The following UBQLN1 variants were observed in gnomAD, a reference collection of about 807,000 sequenced individuals.
UBQLN1 encodes ubiquilin 1.
Under a neutral mutation model 65.4 loss-of-function variants are expected in UBQLN1, and 13 were observed. That is an observed-to-expected ratio of 0.20 (90% CI 0.13 to 0.32). The LOEUF (loss-of-function observed/expected upper bound fraction) is 0.32, where lower values mean the gene tolerates loss of function less well. Ranked by LOEUF, UBQLN1 falls within the 10% of genes least tolerant of loss-of-function variation. The probability of loss-of-function intolerance (pLI) is 1.00; values close to 1 mark genes in which losing one functional copy is unlikely to be tolerated. For synonymous variants in UBQLN1, 267 were observed against 247.8 expected (o/e 1.08, Z -0.73); for missense variants, 561 against 724.0 (o/e 0.77, Z 2.58).
chr9:83,671,245 CA>C (rs1422617594), intron 6 of UBQLN1, among the ~76,000 whole-genome samples: 1 of 152,204 alleles, frequency 6.6e-6, no homozygotes, highest in Non-Finnish European at 1.5e-5. Flanking sequence ...AAACTTCTTC[CA>C]AACTCCTGTT....
intron 1 of UBQLN1, among the ~76,000 whole-genome samples, chr9:83,687,513 A>G (rs10868040): frequency 0.7 from 107,034 of 152,070 alleles, 38,538 homozygotes; most frequent in East Asian, 0.88. Context: ...CTCAACAGAT[A>G]AGGAAATTGC....
intron 6 of UBQLN1, 103 bp from the exon 7 acceptor site, chr9:83,669,430 AATG>A: frequency 1.8e-6 from 2 of 1,093,136 alleles, no homozygotes; most frequent in African/African-American, 3.2e-5. Context: ...ACCAAGTACA[AATG>A]ATTATACATA....
intron 2 of UBQLN1, among the ~76,000 whole-genome samples, chr9:83,684,066 T>A (rs921170222): frequency 7.6e-4 from 116 of 152,130 alleles, no homozygotes; most frequent in African/African-American, 2.7e-3. Context: ...TTTTTATCTA[T>A]CCCCTTCTAG....
intron 9 of UBQLN1, 75 bp downstream of exon 9, chr9:83,664,955 G>T (rs1171012615): frequency 1.3e-4 from 84 of 656,254 alleles, no homozygotes; most frequent in Non-Finnish European, 1.8e-4. Flanking sequence ...AAGGCAGGCA[G>T]AATAATACTA....
rs370560589 is a variant in UBQLN1 at position 83,704,299 on chromosome 9, T to C, written c.180+3201A>G. On this transcript the variant is annotated intron_variant, in intron 1 of 10. Coordinates refer to ENST00000376395, the MANE Select transcript of UBQLN1 (RefSeq NM_013438.5). ...AATGGCATATCTTTTGTGCTTCAAGTAGATTTTACAAATAGGTCATTTGAA... is the reference window on the plus strand; with the variant it reads ...AATGGCATATCTTTTGTGCTTCAAGCAGATTTTACAAATAGGTCATTTGAA... Among the ~76,000 whole-genome samples the C allele has an allele frequency of 9.2e-5, 14 of 152,354 alleles. No homozygotes were observed. The South Asian group carries it at 2.9e-3, about 32-fold the overall frequency.
At chr9:83,675,269 C>T (rs994257807) in intron 6 of UBQLN1, among the ~76,000 whole-genome samples, 1 of 152,154 alleles carries the variant, frequency 6.6e-6, no homozygotes, top group Non-Finnish European at 1.5e-5. Flanking sequence ...CACTACCCTG[C>T]CAACCCTCCA....
At chr9:83,691,144 T>TA (rs1306394393) in intron 1 of UBQLN1, among the ~76,000 whole-genome samples, 4 of 147,834 alleles carry the variant, frequency 2.7e-5, no homozygotes, top group African/African-American at 7.5e-5. Context: ...CTCAAAAAAA[T>TA]AAAAAAAATA....
intron 1 of UBQLN1, among the ~76,000 whole-genome samples, chr9:83,688,326 A>G (rs1244813722): frequency 6.6e-6 from 1 of 152,144 alleles, no homozygotes; most frequent in Non-Finnish European, 1.5e-5. Context: ...TACAGCTAAT[A>G]AACTGGTAGT....
intron 1 of UBQLN1, among the ~76,000 whole-genome samples, chr9:83,706,909 ATTAC>A (rs1832418332): frequency 1.3e-5 from 2 of 152,176 alleles, no homozygotes; most frequent in African/African-American, 4.8e-5. Flanking sequence ...TACTATCACT[ATTAC>A]TTAAGATGGA....
Position 83,669,332 on chromosome 9 carries a change from A to G in UBQLN1, c.1106-5T>C, listed in dbSNP as rs913491218. ...CTGGTGTGTTGAACATACTAGCTGA[A>G]AGTTTGTTTTTAAAAAAGACATATT... is the stretch of plus-strand genomic sequence containing the variant. On this transcript the variant is annotated splice_region_variant and splice_polypyrimidine_tract_variant and intron_variant, in intron 6 of 10. Coordinates refer to ENST00000376395, the MANE Select transcript of UBQLN1 (RefSeq NM_013438.5). 2 of 1,576,260 alleles carry G rather than the reference A, an allele frequency of 1.3e-6. No individual in the cohort carries two copies. The highest frequency in any genetic ancestry group is 2.8e-5 in the African/African-American group (2 of 72,368).
chr9:83,663,604 T>C (rs1831597097), intron 10 of UBQLN1, among the ~76,000 whole-genome samples: 1 of 152,172 alleles, frequency 6.6e-6, no homozygotes, highest in South Asian at 2.1e-4. Flanking sequence ...AAAAAATGCA[T>C]TTTTAAAGGC....
rs1831690947 is a variant in UBQLN1 at position 83,669,202 on chromosome 9, G to C, written c.1231C>G (p.Pro411Ala). 1 of 1,610,972 alleles carries C rather than the reference G, an allele frequency of 6.2e-7. No individual in the cohort carries two copies. Among genetic ancestry groups the C allele is most frequent in the Admixed American group, 1.7e-5 (1 of 58,820 alleles). Residue 411 changes from proline (P) to alanine (A), a missense_variant, in exon 7 of 11, where the codon CCT (proline) becomes GCT (alanine). By Grantham distance (27) the Pro-to-Ala change is conservative. This residue lies in a region of UBQLN1 where 102 missense variants were observed against 150.7 expected (regional missense o/e 0.68). Coordinates refer to ENST00000376395, the MANE Select transcript of UBQLN1 (RefSeq NM_013438.5). ...RSMMQSLSQN[P>A]DLAAQMMLNN... is the part of the protein sequence containing the mutation. Reference sequence around the variant, plus strand: ...AAACTCACCTGTGCAGCAAGGTCAGGATTCTGGCTTAGTGACTGCATCATG... The same window carrying C: ...AAACTCACCTGTGCAGCAAGGTCAGCATTCTGGCTTAGTGACTGCATCATG...
At chr9:83,706,454 G>A (rs146081089) in intron 1 of UBQLN1, among the ~76,000 whole-genome samples, 1 of 152,238 alleles carries the variant, frequency 6.6e-6, no homozygotes, top group East Asian at 1.9e-4. Flanking sequence ...ACACCTCACT[G>A]CTTCACAAAA....
At chr9:83,685,218 G>A (rs1032723190) in intron 2 of UBQLN1, among the ~76,000 whole-genome samples, 1 of 152,142 alleles carries the variant, frequency 6.6e-6, no homozygotes, top group African/African-American at 2.4e-5. Flanking sequence ...AAACTTACAG[G>A]AGTGTTAATG....
intron 7 of UBQLN1, chr9:83,666,881 A>T (rs1403959860): frequency 6.5e-6 from 1 of 153,530 alleles, no homozygotes; most frequent in Non-Finnish European, 1.5e-5. Context: ...GCACAGAGAA[A>T]ATCTAGATCT....
chr9:83,706,085 G>A (rs1330850635), intron 1 of UBQLN1, among the ~76,000 whole-genome samples: 1 of 151,894 alleles, frequency 6.6e-6, no homozygotes, highest in Non-Finnish European at 1.5e-5. Flanking sequence ...AAAACTCACG[G>A]AATGGCAACC....
At position 83,669,378 on chromosome 9, in the gene UBQLN1, AAGTTAAAGCTTT is replaced by A. The variant is rs1410799255; in HGVS notation, c.1106-63_1106-52del. 2.1e-5 allele frequency: 31 copies of A among 1,506,692 alleles called. No homozygotes were observed. The East Asian group carries it at 7.3e-4, about 35-fold the overall frequency. 93.3% of individuals were successfully genotyped at this position (1,506,692 alleles called of 1,614,324 possible). ...ATATTAAGGAAAAATACTTAAACAA[AAGTTAAAGCTTT>A]AAAATATAATATGCACTGTGTTTAA... is the stretch of plus-strand genomic sequence containing the variant. On this transcript the variant is annotated intron_variant, in intron 6 of 10. Coordinates refer to ENST00000376395, the MANE Select transcript of UBQLN1 (RefSeq NM_013438.5).
chr9:83,690,731 A>C (rs1340140539), intron 1 of UBQLN1, among the ~76,000 whole-genome samples: 1 of 130,666 alleles, frequency 7.7e-6, no homozygotes, highest in Non-Finnish European at 1.7e-5. Flanking sequence ...GGTCAATGGA[A>C]CCAGACTCTG....
At chr9:83,689,525 C>G (rs1335980417) in intron 1 of UBQLN1, among the ~76,000 whole-genome samples, 1 of 152,170 alleles carries the variant, frequency 6.6e-6, no homozygotes, top group Admixed American at 6.5e-5. Flanking sequence ...AGTGCCTTTA[C>G]TAAATTAGAC....
Sources: allele counts gnomAD v4.1 joint callset (sites outside exome capture counted in the v4.1 genomes callset), GRCh38; gene constraint gnomAD v4.1.1; regional missense constraint gnomAD v4.1.1; transcripts MANE v1.5; gene names NCBI Gene and HGNC (gene_info 2026-07-23, HGNC 2026-07-21).